Variants in PLXNA2 observed in about 807,000 individuals in gnomAD.
PLXNA2 encodes the protein plexin A2, also known as plexin-A2.
Under a neutral mutation model 193.5 loss-of-function variants are expected in PLXNA2, and 91 were observed. That is an observed-to-expected ratio of 0.47 (90% CI 0.40 to 0.56). The LOEUF (loss-of-function observed/expected upper bound fraction) is 0.56, where lower values mean the gene tolerates loss of function less well. Among genes scored for constraint, PLXNA2 ranks in the 20% least tolerant of loss-of-function variants. PLXNA2 has a pLI of 0.00. For synonymous variants in PLXNA2, 997 were observed against 1,027.3 expected, an observed-to-expected ratio of 0.97 and a Z score of 0.56; for missense variants, 1,995 against 2,503.2, an observed-to-expected ratio of 0.80 and a Z score of 4.33.
intron 3 of PLXNA2, among the ~76,000 whole-genome samples, chr1:208,180,021 C>T (rs1046686424): frequency 1.3e-5 from 2 of 152,162 alleles, no homozygotes; most frequent in Non-Finnish European, 2.9e-5. Flanking sequence ...TGGCTGCCTC[C>T]TGCCCCGCCC....
chr1:208,137,060 G>A (rs1053461883), intron 4 of PLXNA2, among the ~76,000 whole-genome samples: 1 of 152,088 alleles, frequency 6.6e-6, no homozygotes, highest in Non-Finnish European at 1.5e-5. Flanking sequence ...ATGGAGGTTG[G>A]CCTGACTCCC....
intron 26 of PLXNA2, among the ~76,000 whole-genome samples, chr1:208,036,939 G>T (rs1287523500): frequency 6.6e-6 from 1 of 151,996 alleles, no homozygotes; most frequent in Non-Finnish European, 1.5e-5. Flanking sequence ...ATGATTTGGG[G>T]GCATCATGCT....
rs147087031 is a variant in PLXNA2 at position 208,142,451 on chromosome 1, C to T, written c.1384G>A (p.Gly462Ser). ...TACTGGACCCCACCATGGGGGGGACCGTCGGCCCGAATCTGTATGAGAAAC... is the reference window on the plus strand; with the variant it reads ...TACTGGACCCCACCATGGGGGGGACTGTCGGCCCGAATCTGTATGAGAAAC... ...SGKLKKIRAD[G>S]PPHGGVQYEM... The change falls in exon 4 of 32, where the codon GGT becomes AGT. Residue 462 changes from glycine to serine, a missense_variant. By Grantham distance (56) the Gly-to-Ser change is moderately conservative (BLOSUM62 0). Around this residue, in one of 3 missense-constraint regions of PLXNA2, gnomAD observed 702 missense variants for 812.9 expected, o/e 0.86. Coordinates refer to ENST00000367033, the MANE Select transcript of PLXNA2 (RefSeq NM_025179.4). The T allele has an allele frequency of 2.9e-5, 46 of 1,608,370 alleles. No individual in the cohort carries two copies. The highest frequency in any genetic ancestry group is 1.7e-4 in the Middle Eastern group (1 of 6,044).
Position 208,218,094 on chromosome 1 carries a change from G to A in PLXNA2, c.-80-92C>T, listed in dbSNP as rs1300498550. 3 of 1,067,606 alleles carry A rather than the reference G, an allele frequency of 2.8e-6. No homozygotes were observed. The African/African-American group carries it at 4.7e-5, about 17-fold the overall frequency. 66.1% of individuals were successfully genotyped at this position (1,067,606 alleles called of 1,614,324 possible). ...GACCCAGGGTCCCCATCCTGGTTTAGCTCTGTGAGTCTCCTCCTTCTGCAT... is the reference window on the plus strand; with the variant it reads ...GACCCAGGGTCCCCATCCTGGTTTAACTCTGTGAGTCTCCTCCTTCTGCAT... On this transcript the variant is annotated intron_variant, in intron 1 of 31. Transcript: ENST00000367033.
At chr1:208,111,626 G>A (rs975497537) in intron 4 of PLXNA2, among the ~76,000 whole-genome samples, 1 of 152,118 alleles carries the variant, frequency 6.6e-6, no homozygotes. Flanking sequence ...TATCTCTGGG[G>A]CTCATCAGGA....
rs763396411 is a variant in PLXNA2 at position 208,033,410 on chromosome 1, A to G, written c.4964T>C (p.Val1655Ala). ...LESGVKVWHL[V>A]KNHDHGDQKE... ...CTGGTCACCGTGGTCATGGTTCTTC[A>G]CCAGATGCCACACCTTGACCCCACT... The change falls in exon 28 of 32, where the codon GTG (valine) becomes GCG (alanine). Residue 1655 changes from valine to alanine, a missense_variant. This residue lies in a region of PLXNA2 where 1,291 missense variants were observed against 1,673.6 expected (regional missense o/e 0.77). Coordinates refer to ENST00000367033, the MANE Select transcript of PLXNA2 (RefSeq NM_025179.4). 12 of 1,613,898 alleles carry G rather than the reference A, an allele frequency of 7.4e-6. No individual in the cohort carries two copies. The Admixed American group carries it at 2.0e-4, about 27-fold the overall frequency.
intron 9 of PLXNA2, among the ~76,000 whole-genome samples, chr1:208,091,193 G>A (rs1388566286): frequency 6.6e-6 from 1 of 152,230 alleles, no homozygotes; most frequent in South Asian, 2.1e-4. Context: ...AAAGCCACCT[G>A]TGGCATCTAT....
chr1:208,139,297 G>A (rs923282275), intron 4 of PLXNA2, among the ~76,000 whole-genome samples: 9 of 152,142 alleles, frequency 5.9e-5, no homozygotes, highest in Non-Finnish European at 1.2e-4. Context: ...CTTGAAGTCA[G>A]AGATGGGGCC....
chr1:208,195,636 T>A lies in PLXNA2; in HGVS notation c.1371+14644A>T, dbSNP rs1019947486. Among the ~76,000 whole-genome samples the A allele has an allele frequency of 2.3e-5, 3 of 129,076 alleles. No homozygotes were observed. The Admixed American group carries it at 2.5e-4, about 11-fold the overall frequency. The allele number at this position is 129,076 out of a possible 152,430, so 84.7% of individuals were successfully genotyped here. A position where few individuals can be genotyped will look rare whatever the true frequency, so the allele number is the denominator to read the frequency against. Reference sequence around the variant, plus strand: ...CTTTTTCCAGAAATGAAAAGGATAGTCATAAAATGTTTTTTGGGGGGGGGG... The same window carrying A: ...CTTTTTCCAGAAATGAAAAGGATAGACATAAAATGTTTTTTGGGGGGGGGG... On this transcript the variant is annotated intron_variant, in intron 3 of 31. Coordinates refer to ENST00000367033, the MANE Select transcript of PLXNA2 (RefSeq NM_025179.4).
chr1:208,223,466 C>T (rs575203015), intron 1 of PLXNA2, among the ~76,000 whole-genome samples: 1 of 152,288 alleles, frequency 6.6e-6, no homozygotes, highest in East Asian at 1.9e-4. Context: ...CCATGATACG[C>T]AGAAGTGAGT....
intron 4 of PLXNA2, among the ~76,000 whole-genome samples, chr1:208,119,817 G>C (rs1292418636): frequency 3.3e-5 from 5 of 151,550 alleles, no homozygotes; most frequent in Non-Finnish European, 5.9e-5. Context: ...GTTTCACCAT[G>C]TTGGCCAGGC....
intron 4 of PLXNA2, among the ~76,000 whole-genome samples, chr1:208,138,476 C>T (rs1281513727): frequency 2.0e-5 from 3 of 152,178 alleles, no homozygotes; most frequent in African/African-American, 7.2e-5. Flanking sequence ...CATCATAAGT[C>T]GAGAGCATGT....
intron 6 of PLXNA2, 61 bp from the exon 7 acceptor site, chr1:208,096,944 CCAG>C: frequency 1.3e-6 from 2 of 1,532,972 alleles, no homozygotes; most frequent in Non-Finnish European, 1.8e-6. Context: ...GACTCCAGGT[CCAG>C]CCCTGCTGTG....
chr1:208,109,761 T>C (rs999090156), intron 4 of PLXNA2, among the ~76,000 whole-genome samples: 9 of 152,164 alleles, frequency 5.9e-5, no homozygotes, highest in Non-Finnish European at 1.3e-4. Context: ...GGGCTCTTTC[T>C]GAAGGATGAG....
intron 12 of PLXNA2, among the ~76,000 whole-genome samples, chr1:208,068,949 A>G (rs918730262): frequency 2.6e-5 from 4 of 152,228 alleles, no homozygotes; most frequent in African/African-American, 4.8e-5. Flanking sequence ...TTGTAGAATA[A>G]AAAGTGTGTA....
intron 9 of PLXNA2, among the ~76,000 whole-genome samples, chr1:208,087,613 C>A (rs1666573266): frequency 6.6e-6 from 1 of 152,118 alleles, no homozygotes; most frequent in Non-Finnish European, 1.5e-5. Context: ...TTTTTCCCTT[C>A]TATTCTCTAA....
chr1:208,139,731 G>T (rs1016460819), intron 4 of PLXNA2, among the ~76,000 whole-genome samples: 1 of 152,214 alleles, frequency 6.6e-6, no homozygotes, highest in Non-Finnish European at 1.5e-5. Context: ...ACTTCATTTT[G>T]ACAGATTATT....
Position 208,212,296 on chromosome 1 carries a change from C to T in PLXNA2, c.1189-1834G>A, listed in dbSNP as rs1049493291. The stretch of plus-strand genomic sequence containing the variant: ...TTTTTTTTTTTAAACCAGGGACTTC[C>T]GTTCCTTTCTCTTCTCAGTCCCAAA... On this transcript the variant is annotated intron_variant, in intron 2 of 31. Coordinates refer to ENST00000367033, the MANE Select transcript of PLXNA2 (RefSeq NM_025179.4). Among the ~76,000 whole-genome samples the T allele has an allele frequency of 5.3e-5, 8 of 152,070 alleles. No individual in the cohort carries two copies. The East Asian group carries it at 5.8e-4, about 11-fold the overall frequency.
Position 208,199,027 on chromosome 1 carries a change from C to T in PLXNA2, c.1371+11253G>A, listed in dbSNP as rs192391391. On this transcript the variant is annotated intron_variant, in intron 3 of 31. Transcript: ENST00000367033. ...CCCAGGGCTTAGCATATAGTAAGTG[C>T]TGAATTTATAGTGGATCTTTTAGGC... is the stretch of plus-strand genomic sequence containing the variant. 1.9e-4 allele frequency among the ~76,000 whole-genome samples: 29 copies of T among 152,316 alleles called. No individual in the cohort carries two copies. The East Asian group carries it at 5.4e-3, about 28-fold the overall frequency.
Sources: gnomAD v4.1 joint callset for allele counts (sites outside exome capture counted in the v4.1 genomes callset) on GRCh38, gnomAD v4.1.1 for gene constraint, gnomAD v4.1.1 regional missense constraint, MANE v1.5 for transcripts, NCBI Gene and HGNC (gene_info 2026-07-23, HGNC 2026-07-21) for gene names.